Variants in TMEM114 observed in about 807,000 individuals in gnomAD.
The protein encoded by TMEM114 is transmembrane protein 114, also known as claudin-26.
Under a neutral mutation model 6.2 loss-of-function variants are expected in TMEM114, and 6 were observed. That is an observed-to-expected ratio of 0.97 (90% confidence interval 0.53 to 1.91). The LOEUF is 1.91. Ranked by LOEUF, TMEM114 falls within the 40% of genes most tolerant of loss-of-function variation. The probability of loss-of-function intolerance (pLI) is 0.01; values close to 1 mark genes in which losing one functional copy is unlikely to be tolerated. For synonymous variants in TMEM114, 104 were observed against 73.0 expected, an observed-to-expected ratio of 1.42 and a Z score of -2.16; for missense variants, 218 against 158.3, an observed-to-expected ratio of 1.38 and a Z score of -2.02.
chr16:8,564,239 GAA>G, intron 2 of TMEM114, among the ~76,000 whole-genome samples: 1 of 6,438 alleles, frequency 1.6e-4, no homozygotes, highest in Non-Finnish European at 5.2e-4. Flanking sequence ...GTGAGTTAGT[GAA>G]TGAGTGAGTG....
At chr16:8,539,222 G>A (rs1477145455) in intron 2 of TMEM114, among the ~76,000 whole-genome samples, 1 of 152,102 alleles carries the variant, frequency 6.6e-6, no homozygotes, top group African/African-American at 2.4e-5. Context: ...TGGGCCAACT[G>A]CCCTCAGGGT....
At chr16:8,560,483 C>T (rs971109196) in intron 2 of TMEM114, among the ~76,000 whole-genome samples, 4 of 152,190 alleles carry the variant, frequency 2.6e-5, no homozygotes, top group Admixed American at 2.6e-4. Context: ...GGTGGCCCAT[C>T]CTCAGCGACT....
chr16:8,586,757 G>C (rs1285633773), intron 2 of TMEM114, among the ~76,000 whole-genome samples: 1 of 152,120 alleles, frequency 6.6e-6, no homozygotes, highest in African/African-American at 2.4e-5. Flanking sequence ...TGATCTGCCT[G>C]CCTCAGCCTC....
chr16:8,559,906 T>C (rs557079785), intron 2 of TMEM114, among the ~76,000 whole-genome samples: 5 of 152,220 alleles, frequency 3.3e-5, no homozygotes, highest in African/African-American at 1.2e-4. Flanking sequence ...CTGGGGTGGC[T>C]GAATGGGAGG....
At chr16:8,580,788 C>G (rs1433710490) in intron 2 of TMEM114, among the ~76,000 whole-genome samples, 1 of 152,086 alleles carries the variant, frequency 6.6e-6, no homozygotes, top group East Asian at 1.9e-4. Context: ...ATTTCCCAGG[C>G]TCAAGCAACC....
At chr16:8,565,753 C>T (rs938874007), downstream of TMEM114, among the ~76,000 whole-genome samples, 1 of 152,194 alleles carries the variant, frequency 6.6e-6, no homozygotes. Context: ...ACCTCCCCTG[C>T]ACAGCAGAAT....
intron 3 of TMEM114, among the ~76,000 whole-genome samples, chr16:8,570,680 T>C (rs1901705848): frequency 6.6e-6 from 1 of 152,174 alleles, no homozygotes; most frequent in Non-Finnish European, 1.5e-5. Context: ...AGGGCAGACA[T>C]GCTCCTGTTG....
intron 2 of TMEM114, among the ~76,000 whole-genome samples, chr16:8,560,932 C>T (rs1303038858): frequency 6.6e-6 from 1 of 152,142 alleles, no homozygotes; most frequent in Non-Finnish European, 1.5e-5. Flanking sequence ...GGAGGCCTCA[C>T]AATCATGGCA....
intron 2 of TMEM114, among the ~76,000 whole-genome samples, chr16:8,555,418 A>T (rs2141663062): frequency 6.6e-6 from 1 of 152,280 alleles, no homozygotes; most frequent in East Asian, 1.9e-4. Context: ...TTAATGATAT[A>T]CTAATTAAGG....
At chr16:8,583,570 C>A (rs756712824) in intron 2 of TMEM114, among the ~76,000 whole-genome samples, 1 of 152,016 alleles carries the variant, frequency 6.6e-6, no homozygotes, top group Non-Finnish European at 1.5e-5. Context: ...AATAGTAAGA[C>A]CCCCATCTCT....
chr16:8,576,521 G>A (rs761573456), intron 2 of TMEM114, among the ~76,000 whole-genome samples: 40 of 152,208 alleles, frequency 2.6e-4, no homozygotes, highest in Non-Finnish European at 4.3e-4. Flanking sequence ...ACTGGCAAGC[G>A]GGAAAGGATA....
chr16:8,531,330 C>T, the TMEM114 span, among the ~76,000 whole-genome samples: 2 of 152,308 alleles, frequency 1.3e-5, no homozygotes, highest in East Asian at 1.9e-4. Flanking sequence ...TTTAGTTTCT[C>T]ATATTCATTA....
At chr16:8,586,804 C>T (rs1902337008) in intron 2 of TMEM114, among the ~76,000 whole-genome samples, 1 of 152,192 alleles carries the variant, frequency 6.6e-6, no homozygotes, top group Non-Finnish European at 1.5e-5. Flanking sequence ...GCCACCACGC[C>T]TGGCCGAATT....
intron 2 of TMEM114, among the ~76,000 whole-genome samples, chr16:8,577,086 A>G (rs916435139): frequency 5.9e-5 from 9 of 152,244 alleles, no homozygotes; most frequent in African/African-American, 2.2e-4. Context: ...ATGTGACTTC[A>G]GAGGAGCTGC....
downstream of TMEM114, among the ~76,000 whole-genome samples, chr16:8,567,370 C>T (rs571012821): frequency 2.0e-5 from 3 of 152,336 alleles, no homozygotes; most frequent in South Asian, 6.2e-4. Flanking sequence ...GGAACAGTCT[C>T]TGACACTGTA....
At chr16:8,575,268 A>G (rs754079486) in intron 2 of TMEM114, among the ~76,000 whole-genome samples, 3 of 152,158 alleles carry the variant, frequency 2.0e-5, no homozygotes, top group Non-Finnish European at 4.4e-5. Context: ...ACTGATCTAG[A>G]ACTTATTAAA....
downstream of TMEM114, among the ~76,000 whole-genome samples, chr16:8,534,045 T>G (rs1417615488): frequency 6.6e-6 from 1 of 152,228 alleles, no homozygotes; most frequent in Non-Finnish European, 1.5e-5. Flanking sequence ...GCTTCACTTC[T>G]CCCTCCTTCT....
At chr16:8,564,266 GAAATA>G (rs1395869549) in intron 2 of TMEM114, among the ~76,000 whole-genome samples, 806 of 10,220 alleles carry the variant, frequency 0.079, 21 homozygotes, top group African/African-American at 0.19. Flanking sequence ...AATGAGTGAT[GAAATA>G]AGTGAATGAG....
intron 2 of TMEM114, among the ~76,000 whole-genome samples, chr16:8,561,857 TGAGTGAGG>T (rs1901220234): frequency 3.8e-5 from 1 of 26,650 alleles, no homozygotes; most frequent in African/African-American, 1.6e-4. Flanking sequence ...AATGAATGAG[TGAGTGAGG>T]GAATGAGTGA....
Sources: allele counts gnomAD v4.1 joint callset (sites outside exome capture counted in the v4.1 genomes callset), GRCh38; gene constraint gnomAD v4.1.1; transcripts MANE v1.5; gene names NCBI Gene and HGNC (gene_info 2026-07-23, HGNC 2026-07-21).